MACROD2: variants seen among roughly 807,000 people sequenced by gnomAD.
MACROD2 encodes the protein mono-ADP ribosylhydrolase 2, also known as ADP-ribose glycohydrolase MACROD2.
MACROD2 carries 36 observed loss-of-function variants against 70.4 expected under a neutral mutation model. The ratio of observed to expected loss-of-function variants is 0.51; its 90% confidence interval spans 0.39 to 0.68. The LOEUF is 0.68. Ranked by LOEUF, MACROD2 falls within the 30% of genes least tolerant of loss-of-function variation. MACROD2 has a pLI of 0.00. For synonymous variants in MACROD2, 172 were observed against 178.8 expected (o/e 0.96, Z 0.30); for missense variants, 496 against 538.4 (o/e 0.92, Z 0.78).
At chr20:14,829,033 C>G (rs191398057) in intron 5 of MACROD2, among the ~76,000 whole-genome samples, 1 of 150,938 alleles carries the variant, frequency 6.6e-6, no homozygotes, top group African/African-American at 2.4e-5. Flanking sequence ...CAAGCTATCA[C>G]CTAGGTGTTA....
chr20:14,941,911 G>A (rs2074393312), intron 5 of MACROD2, among the ~76,000 whole-genome samples: 1 of 150,614 alleles, frequency 6.6e-6, no homozygotes. Flanking sequence ...AGCCTCCTTA[G>A]TATTTGGGAC....
At chr20:14,936,866 A>G (rs1568885905) in intron 5 of MACROD2, among the ~76,000 whole-genome samples, 1 of 152,202 alleles carries the variant, frequency 6.6e-6, no homozygotes, top group Non-Finnish European at 1.5e-5. Context: ...TCTCCATGTC[A>G]GCTGATGAGG....
intron 3 of MACROD2, among the ~76,000 whole-genome samples, chr20:14,304,388 A>G (rs1192478672): frequency 1.3e-5 from 2 of 152,202 alleles, no homozygotes; most frequent in South Asian, 4.1e-4. Flanking sequence ...AAGTTAATGA[A>G]TGTCTAATGA....
chr20:15,475,246 C>T (rs1346025562), intron 7 of MACROD2, among the ~76,000 whole-genome samples: 1 of 152,076 alleles, frequency 6.6e-6, no homozygotes, highest in East Asian at 1.9e-4. Flanking sequence ...GAACCAATTC[C>T]CTTAGGATAC....
intron 3 of MACROD2, among the ~76,000 whole-genome samples, chr20:14,474,267 A>C (rs2084564111): frequency 6.6e-6 from 1 of 151,992 alleles, no homozygotes; most frequent in Non-Finnish European, 1.5e-5. Flanking sequence ...TTATGTTATG[A>C]AGTGTTTGTT....
chr20:15,990,869 AT>A (rs774416789), intron 15 of MACROD2, among the ~76,000 whole-genome samples: 2 of 152,156 alleles, frequency 1.3e-5, no homozygotes, highest in Non-Finnish European at 2.9e-5. Context: ...CAAAATTGCA[AT>A]TATAAGGTTC....
At chr20:15,205,257 A>G (rs910317442) in intron 5 of MACROD2, among the ~76,000 whole-genome samples, 1 of 152,172 alleles carries the variant, frequency 6.6e-6, no homozygotes, top group Non-Finnish European at 1.5e-5. Context: ...TTCAACACAC[A>G]CTATGGCATG....
rs181121938 is a variant in MACROD2 at position 14,514,252 on chromosome 20, G to T, written c.301+20744G>T. Among the ~76,000 whole-genome samples, 934 of 152,206 alleles carry T rather than the reference G, an allele frequency of 6.1e-3. 6 individuals carry two copies. The highest frequency in any genetic ancestry group is 0.014 in the African/African-American group (581 of 41,556). On this transcript the variant is annotated intron_variant, in intron 4 of 17. Coordinates refer to ENST00000684519, the MANE Select transcript of MACROD2 (RefSeq NM_001351661.2). ...ATCCCATAAATAAAAGAGAATTATC[G>T]CCAAGAAGCCCTTACTCAGCCAGAC...
At chr20:15,683,033 A>C (rs1310523198) in intron 8 of MACROD2, among the ~76,000 whole-genome samples, 1 of 152,238 alleles carries the variant, frequency 6.6e-6, no homozygotes, top group Admixed American at 6.5e-5. Flanking sequence ...GTGTAATAAT[A>C]GAATCAGAGA....
chr20:16,014,648 G>A (rs2066906339), intron 15 of MACROD2, among the ~76,000 whole-genome samples: 1 of 152,146 alleles, frequency 6.6e-6, no homozygotes, highest in African/African-American at 2.4e-5. Flanking sequence ...ATATCCACGG[G>A]CCATGTCCCC....
chr20:15,548,505 T>G (rs2048054252), intron 8 of MACROD2, among the ~76,000 whole-genome samples: 1 of 152,106 alleles, frequency 6.6e-6, no homozygotes, highest in Admixed American at 6.6e-5. Flanking sequence ...AAGCGATTCT[T>G]CTGCCTCAGC....
At chr20:15,326,352 A>T (rs2077928893) in intron 6 of MACROD2, among the ~76,000 whole-genome samples, 1 of 152,138 alleles carries the variant, frequency 6.6e-6, no homozygotes, top group Admixed American at 6.6e-5. Context: ...AGATATGTTA[A>T]AATATATCTA....
intron 8 of MACROD2, among the ~76,000 whole-genome samples, chr20:15,712,080 T>C (rs1053347896): frequency 6.6e-6 from 1 of 152,232 alleles, no homozygotes; most frequent in Non-Finnish European, 1.5e-5. Flanking sequence ...AGTCCTATTC[T>C]TTGGTGATGC....
chr20:15,129,226 G>T (rs2076088152), intron 5 of MACROD2, among the ~76,000 whole-genome samples: 1 of 151,934 alleles, frequency 6.6e-6, no homozygotes, highest in Admixed American at 6.6e-5. Flanking sequence ...GAAGAAACTG[G>T]AAATATATGA....
chr20:15,675,511 G>A (rs371134638), intron 8 of MACROD2, among the ~76,000 whole-genome samples: 5 of 152,218 alleles, frequency 3.3e-5, no homozygotes, highest in African/African-American at 7.2e-5. Context: ...ATTTGCTTAC[G>A]GTAAATTTTT....
At chr20:14,524,057 G>A (rs1264373740) in intron 4 of MACROD2, among the ~76,000 whole-genome samples, 1 of 152,152 alleles carries the variant, frequency 6.6e-6, no homozygotes, top group Non-Finnish European at 1.5e-5. Context: ...GATAGAATGT[G>A]CTTATAGGTT....
At chr20:15,679,522 T>G (rs1474219916) in intron 8 of MACROD2, among the ~76,000 whole-genome samples, 2 of 152,162 alleles carry the variant, frequency 1.3e-5, no homozygotes, top group East Asian at 3.9e-4. Context: ...GTGACTTGCT[T>G]AAACCAACAG....
chr20:15,817,574 C>T (rs997601096), intron 8 of MACROD2, among the ~76,000 whole-genome samples: 4 of 152,174 alleles, frequency 2.6e-5, no homozygotes, highest in Non-Finnish European at 5.9e-5. Flanking sequence ...CCATTGTTCA[C>T]CATGCCCGAT....
At chr20:15,831,481 A>G (rs1344934176) in intron 8 of MACROD2, among the ~76,000 whole-genome samples, 3 of 152,204 alleles carry the variant, frequency 2.0e-5, no homozygotes, top group Non-Finnish European at 4.4e-5. Flanking sequence ...TCCATAAAAA[A>G]AGATGTATGC....
Sources: allele counts gnomAD v4.1 joint callset (sites outside exome capture counted in the v4.1 genomes callset), GRCh38; gene constraint gnomAD v4.1.1; transcripts MANE v1.5; gene names NCBI Gene and HGNC (gene_info 2026-07-23, HGNC 2026-07-21).